TK2: variants seen among roughly 807,000 people sequenced by gnomAD.
TK2 encodes thymidine kinase 2.
In TK2, 35 loss-of-function variants were observed where a neutral mutation model predicts 41.9. That is an observed-to-expected ratio of 0.84 (90% CI 0.64 to 1.11). The LOEUF (loss-of-function observed/expected upper bound fraction) is 1.11, where lower values mean the gene tolerates loss of function less well. Ranked by LOEUF, TK2 falls within the 50% of genes least tolerant of loss-of-function variation. The pLI is 0.00. For synonymous variants in TK2, 128 were observed against 129.1 expected, an observed-to-expected ratio of 0.99 and a Z score of 0.06; for missense variants, 320 against 351.1, an observed-to-expected ratio of 0.91 and a Z score of 0.71.
Position 66,541,885 on chromosome 16 carries a change from G to A in TK2, c.225C>T (p.Asp75=), listed in dbSNP as rs761389794. 2.9e-5 allele frequency: 47 copies of A among 1,613,970 alleles called. No homozygotes were observed. The highest frequency in any genetic ancestry group is 2.7e-4 in the South Asian group (25 of 91,090). Reference sequence around the variant, plus strand: ...CCTAGCATAGAGGCTGTACCTCGACGTCTGTCGCGTTGGAGAAGAATTCCA... The same window carrying A: ...CCTAGCATAGAGGCTGTACCTCGACATCTGTCGCGTTGGAGAAGAATTCCA... ...TCLEFFSNAT[D]VEVLTEPVSK... is the part of the protein sequence containing the mutation. Residue 75 remains aspartate (D), a synonymous_variant, in exon 3 of 10, where the codon GAC becomes GAT. Coordinates refer to ENST00000544898, the MANE Select transcript of TK2 (RefSeq NM_004614.5).
At chr16:66,548,653 C>A in intron 2 of TK2, 1 of 327,968 alleles carries the variant, frequency 3.0e-6, no homozygotes. Context: ...GCTGCCCAAC[C>A]CAAGATGAAA....
rs147276978 is a variant in TK2 at position 66,534,702 on chromosome 16, C to T, written c.285+2262G>A. Among the ~76,000 whole-genome samples the T allele has an allele frequency of 4.3e-3, 660 of 152,386 alleles. 3 individuals are homozygous for T. Among genetic ancestry groups the T allele is most frequent in the Middle Eastern group, 0.02 (6 of 294 alleles). ...ATGTTTAAGCACCTTATCATAGACA[C>T]ATTCCCTGGTTATCTCATGTAAAAC... On this transcript the variant is annotated intron_variant, in intron 4 of 9. Transcript: ENST00000544898.
intron 6 of TK2, among the ~76,000 whole-genome samples, chr16:66,527,383 G>A (rs779185453): frequency 6.6e-6 from 1 of 152,208 alleles, no homozygotes; most frequent in Non-Finnish European, 1.5e-5. Flanking sequence ...GCTCCTAGGA[G>A]AAGCCTTTTT....
chr16:66,531,680 G>A (rs954469866), intron 4 of TK2, among the ~76,000 whole-genome samples: 2 of 152,166 alleles, frequency 1.3e-5, no homozygotes, highest in East Asian at 3.9e-4. Context: ...GCTATAATAG[G>A]AGCCTATGGA....
chr16:66,527,061 C>T (rs998545092), intron 6 of TK2, among the ~76,000 whole-genome samples: 3 of 152,254 alleles, frequency 2.0e-5, no homozygotes, highest in Non-Finnish European at 4.4e-5. Context: ...CCTGTCCTCC[C>T]TCTGGCTGAG....
intron 2 of TK2, chr16:66,547,981 A>C: frequency 7.8e-7 from 1 of 1,288,502 alleles, no homozygotes; most frequent in Non-Finnish European, 1.0e-6. Context: ...ACTTGTCATC[A>C]CAGCTACTCA....
intron 3 of TK2, 33 bp downstream of exon 3, chr16:66,541,846 C>T: frequency 6.2e-7 from 1 of 1,611,656 alleles, no homozygotes; most frequent in Non-Finnish European, 8.5e-7. Flanking sequence ...CAAGCTTTCT[C>T]CGCTTCCTTC....
rs1360573779 is a variant in TK2, at chr16:66,512,058, C to T, written c.708G>A (p.Glu236=). 1 of 1,614,036 alleles carries T rather than the reference C, an allele frequency of 6.2e-7. No individual in the cohort carries two copies. Among genetic ancestry groups the T allele is most frequent in the Non-Finnish European group, 8.5e-7 (1 of 1,180,012 alleles). Residue 236 remains glutamate (E), a synonymous_variant, in exon 10 of 10, where the codon GAG becomes GAA. Transcript: ENST00000544898. ...ACATCCTCTCCATGTGGTGGTCAGC[C>T]TCAATCACCTGGAAATTAGACACAT... The part of the protein sequence containing the change: ...FPMAAPVLVI[E]ADHHMERMLE...
In TK2 at chr16:66,517,131, C is replaced by A. The variant is rs1289746029; in HGVS notation, c.618+5G>T. 2 of 1,614,090 alleles carry A rather than the reference C, an allele frequency of 1.2e-6. No homozygotes were observed. The highest frequency in any genetic ancestry group is 8.5e-7 in the Non-Finnish European group (1 of 1,179,966). On this transcript the variant is annotated splice_donor_5th_base_variant and intron_variant, in intron 8 of 9. Transcript: ENST00000544898. The surrounding 1 kb of genome is among the most constrained non-coding windows in gnomAD (Gnocchi z 4.3). ...GTCTTTAACCAAGTCAAAGAGGCCTCTTACCAGCGGAATGACCTTCTCCTC... is the reference window on the plus strand; with the variant it reads ...GTCTTTAACCAAGTCAAAGAGGCCTATTACCAGCGGAATGACCTTCTCCTC...
intron 8 of TK2, among the ~76,000 whole-genome samples, chr16:66,516,413 T>C (rs1027672569): frequency 1.3e-5 from 2 of 151,968 alleles, no homozygotes; most frequent in Non-Finnish European, 2.9e-5. Context: ...TGGGGCCGGG[T>C]CATAAGCCGT....
chr16:66,516,801 G>A lies in TK2; in HGVS notation c.618+335C>T, dbSNP rs181838338. Among the ~76,000 whole-genome samples the A allele has an allele frequency of 3.9e-3, 591 of 151,386 alleles. 4 individuals are homozygous for A. The Middle Eastern group carries it at 0.041, about 10-fold the overall frequency. Reference sequence around the variant, plus strand: ...TCGCATTCTAGGGAGGACACAGAGAGCACAAGGCCAGGCAATCTTCAGGAG... The same window carrying A: ...TCGCATTCTAGGGAGGACACAGAGAACACAAGGCCAGGCAATCTTCAGGAG... On this transcript the variant is annotated intron_variant, in intron 8 of 9. Coordinates refer to ENST00000544898, the MANE Select transcript of TK2 (RefSeq NM_004614.5).
intron 4 of TK2, among the ~76,000 whole-genome samples, chr16:66,534,092 G>A (rs1401784687): frequency 1.3e-5 from 2 of 150,176 alleles, no homozygotes; most frequent in Non-Finnish European, 3.0e-5. Context: ...ATAGATTAAT[G>A]GGTTATCTTA....
In TK2 at chr16:66,510,918, T is replaced by C. The variant is rs934637968; in HGVS notation, c.*1050A>G. ...CCAACAAAGATGATTTCAGGCTCTATGGCTCGAGGCATTTCCCTGGATGAA... is the reference window on the plus strand; with the variant it reads ...CCAACAAAGATGATTTCAGGCTCTACGGCTCGAGGCATTTCCCTGGATGAA... On this transcript the variant is annotated 3_prime_UTR_variant, in exon 10 of 10. Coordinates refer to ENST00000544898, the MANE Select transcript of TK2 (RefSeq NM_004614.5). 9.9e-5 allele frequency: 15 copies of C among 152,220 alleles called. No individual in the cohort carries two copies. The highest frequency in any genetic ancestry group is 3.4e-4 in the African/African-American group (14 of 41,460). The allele number at this position is 152,220 out of a possible 1,614,324, so 9.4% of individuals were successfully genotyped here. A position where few individuals can be genotyped will look rare whatever the true frequency, so the allele number is the denominator to read the frequency against.
At position 66,513,704 on chromosome 16, in the gene TK2, C is replaced by T. The variant is rs764056155; in HGVS notation, c.699+27G>A. 22 of 1,606,872 alleles carry T rather than the reference C, an allele frequency of 1.4e-5. No homozygotes were observed. The African/African-American group carries it at 2.4e-4, about 18-fold the overall frequency. On this transcript the variant is annotated intron_variant, in intron 9 of 9. Transcript: ENST00000544898. Reference sequence around the variant, plus strand: ...GTCACTCCTCTTTCTAGAACAGTCTCGTACCCTGTAAGGGAGTCTTACTTA... The same window carrying T: ...GTCACTCCTCTTTCTAGAACAGTCTTGTACCCTGTAAGGGAGTCTTACTTA...
intron 2 of TK2, among the ~76,000 whole-genome samples, chr16:66,547,162 A>ACT (rs1965634928): frequency 6.6e-6 from 1 of 152,148 alleles, no homozygotes; most frequent in Non-Finnish European, 1.5e-5. Flanking sequence ...ATCCACCCAG[A>ACT]CACCTTTAAC....
chr16:66,547,198 C>T (rs761459510), intron 2 of TK2, among the ~76,000 whole-genome samples: 8 of 152,150 alleles, frequency 5.3e-5, no homozygotes, highest in Non-Finnish European at 7.4e-5. Flanking sequence ...CCTCACCCAC[C>T]AACACCAGTC....
chr16:66,531,553 C>T (rs1356868398), intron 4 of TK2, 84 bp from the exon 5 acceptor site: 1 of 1,319,986 alleles, frequency 7.6e-7, no homozygotes, highest in Non-Finnish European at 1.1e-6. Context: ...AAGGACAGCT[C>T]AAGAAACCTA....
intron 2 of TK2, among the ~76,000 whole-genome samples, chr16:66,547,279 T>TTAAG (rs1965638262): frequency 6.6e-6 from 1 of 152,134 alleles, no homozygotes; most frequent in Non-Finnish European, 1.5e-5. Context: ...TCTAGTTTAG[T>TTAAG]TAAGGTCTCT....
chr16:66,547,952 G>A, intron 2 of TK2: 1 of 1,288,458 alleles, frequency 7.8e-7, no homozygotes, highest in Non-Finnish European at 1.0e-6. Flanking sequence ...CTAATAAATA[G>A]CCAGGCACAG....
Sources: gnomAD v4.1 joint callset for allele counts (sites outside exome capture counted in the v4.1 genomes callset) on GRCh38, gnomAD v4.1.1 for gene constraint, Gnocchi (gnomAD v3.1) non-coding constraint, MANE v1.5 for transcripts, NCBI Gene and HGNC (gene_info 2026-07-23, HGNC 2026-07-21) for gene names.